MS4A6A: variants seen among roughly 807,000 people sequenced by gnomAD.
MS4A6A encodes the protein membrane spanning 4-domains A6A.
MS4A6A carries 19 observed loss-of-function variants against 20.6 expected under a neutral mutation model. The ratio of observed to expected loss-of-function variants is 0.92; its 90% confidence interval spans 0.64 to 1.36. The LOEUF (loss-of-function observed/expected upper bound fraction) is 1.36. Ranked by LOEUF, MS4A6A falls within the 40% of genes most tolerant of loss-of-function variation. MS4A6A has a pLI of 0.00. For synonymous variants in MS4A6A, 108 were observed against 105.0 expected (o/e 1.03, Z -0.17); for missense variants, 272 against 261.1 (o/e 1.04, Z -0.29).
chr11:60,179,439 G>C (rs1052173306), intron 3 of MS4A6A: 74 of 518,656 alleles, frequency 1.4e-4, no homozygotes, highest in Non-Finnish European at 2.3e-4. Context: ...AAGCATGGGG[G>C]GGATAACAGT....
rs535886021 is a variant in MS4A6A, at chr11:60,176,029, A to G, written c.340-418T>C. ...CGGAAGCATCAGCCACATGGAAAAG[A>G]TAGATCATGTATTAGCATGGTGCAA... On this transcript the variant is annotated intron_variant, in intron 4 of 5. Coordinates refer to ENST00000528851, the MANE Select transcript of MS4A6A (RefSeq NM_022349.4). Among the ~76,000 whole-genome samples, 7 of 152,374 alleles carry G rather than the reference A, an allele frequency of 4.6e-5. No homozygotes were observed. In the South Asian group the frequency reaches 1.4e-3, roughly 32 times the overall value.
chr11:60,176,724 G>A (rs1274513449), intron 4 of MS4A6A, among the ~76,000 whole-genome samples: 1 of 152,128 alleles, frequency 6.6e-6, no homozygotes, highest in East Asian at 1.9e-4. Flanking sequence ...GATGCCTAGA[G>A]TCTATATTTC....
At chr11:60,180,309 C>A (rs1440240252) in intron 2 of MS4A6A, 1 of 262,056 alleles carries the variant, frequency 3.8e-6, no homozygotes, top group Non-Finnish European at 7.2e-6. Flanking sequence ...GACTAGTTAA[C>A]TCTCTTTCTA....
rs115707241 is a variant in MS4A6A at position 60,181,413 on chromosome 11, C to T, written c.147+168G>A. On this transcript the variant is annotated intron_variant, in intron 2 of 5. Transcript: ENST00000528851. ...GGAAAATATATTTTTAAGACAACCT[C>T]TTGTGGAAAAGTTCTGGGACAGTTT... is the stretch of plus-strand genomic sequence containing the variant. The T allele has an allele frequency of 2.0e-3, 1,366 of 678,604 alleles. 18 individuals are homozygous for T. The African/African-American group carries it at 0.023, about 11-fold the overall frequency. The allele number at this position is 678,604 out of a possible 1,614,324, so 42.0% of individuals were successfully genotyped here. A position where few individuals can be genotyped will look rare whatever the true frequency, so the allele number is the denominator to read the frequency against.
At position 60,183,059 on chromosome 11, in the gene MS4A6A, T is replaced by C; in HGVS notation, c.-96A>G. On this transcript the variant is annotated 5_prime_UTR_variant, in exon 1 of 6. Coordinates refer to ENST00000528851, the MANE Select transcript of MS4A6A (RefSeq NM_022349.4). ...GTTTCTCAGTCCCATCAACGGTTTCTACTTACCTTCATCTTCTGAAAGTCA... is the reference window on the plus strand; with the variant it reads ...GTTTCTCAGTCCCATCAACGGTTTCCACTTACCTTCATCTTCTGAAAGTCA... 1 of 1,496,412 alleles carries C rather than the reference T, an allele frequency of 6.7e-7. No individual in the cohort carries two copies. Among genetic ancestry groups the C allele is most frequent in the Non-Finnish European group, 8.8e-7 (1 of 1,130,684 alleles). The allele number at this position is 1,496,412 out of a possible 1,614,324, so 92.7% of individuals were successfully genotyped here.
At chr11:60,174,205 T>C (rs1856722208) in intron 5 of MS4A6A, among the ~76,000 whole-genome samples, 1 of 152,206 alleles carries the variant, frequency 6.6e-6, no homozygotes, top group South Asian at 2.1e-4. Flanking sequence ...CTCTTTATAA[T>C]GAGTGCTATA....
At chr11:60,184,194 T>G (rs2083861931), upstream of MS4A6A, 1 of 152,266 alleles carries the variant, frequency 6.6e-6, no homozygotes. Context: ...TCTCAGCGTC[T>G]GAATGACACA....
chr11:60,178,129 T>C (rs1856940822), intron 4 of MS4A6A, 131 bp downstream of exon 4: 7 of 796,718 alleles, frequency 8.8e-6, no homozygotes, highest in Non-Finnish European at 1.5e-5. Context: ...GCCCAGCTCC[T>C]AATTCTAACA....
chr11:60,175,409 C>G lies in MS4A6A; in HGVS notation c.542G>C (p.Ser181Thr). The stretch of plus-strand genomic sequence containing the variant: ...CCATCTAAAAATACTTACAGCCAGA[C>G]TGGCTTTGGCTGTATAGCAGTCCGT... ...YTTDCYTAKA[S>T]LAGTLSLMLI... Residue 181 changes from serine (S) to threonine (T), a missense_variant, in exon 5 of 6, where the codon AGT (serine) becomes ACT (threonine). Ser to Thr is a moderately conservative substitution (Grantham distance 58). Coordinates refer to ENST00000528851, the MANE Select transcript of MS4A6A (RefSeq NM_022349.4). 6.2e-7 allele frequency: 1 copy of G among 1,610,644 alleles called. No homozygotes were observed. The highest frequency in any genetic ancestry group is 2.2e-5 in the East Asian group (1 of 44,866).
chr11:60,173,253 C>G, intron 5 of MS4A6A, 124 bp from the exon 6 acceptor site: 1 of 824,192 alleles, frequency 1.2e-6, no homozygotes, highest in Non-Finnish European at 2.0e-6. Flanking sequence ...AGGACACCAT[C>G]AGGAAGATAA....
In MS4A6A at chr11:60,172,517, T is replaced by A; in HGVS notation, c.*484A>T. On this transcript the variant is annotated 3_prime_UTR_variant, in exon 6 of 6. Coordinates refer to ENST00000528851, the MANE Select transcript of MS4A6A (RefSeq NM_022349.4). Reference sequence around the variant, plus strand: ...AGGGGTTTGATTCAACAATACATTTTTAATATAGCTTTAAAAAGGCAAACG... The same window carrying A: ...AGGGGTTTGATTCAACAATACATTTATAATATAGCTTTAAAAAGGCAAACG... 8.5e-6 allele frequency: 10 copies of A among 1,173,792 alleles called. No homozygotes were observed. The highest frequency in any genetic ancestry group is 1.1e-5 in the Non-Finnish European group (10 of 948,488). 72.7% of individuals were successfully genotyped at this position (1,173,792 alleles called of 1,614,324 possible).
intron 3 of MS4A6A, 197 bp downstream of exon 3, chr11:60,179,634 G>A: frequency 3.0e-6 from 2 of 656,856 alleles, no homozygotes; most frequent in Middle Eastern, 3.7e-4. Flanking sequence ...CAAAAGAAAT[G>A]TTTATTTGAG....
At chr11:60,178,909 A>C in intron 3 of MS4A6A, 1 of 392,572 alleles carries the variant, frequency 2.5e-6, no homozygotes, top group Non-Finnish European at 4.9e-6. Flanking sequence ...ACCCAAAACT[A>C]TCAAAGTTCT....
At chr11:60,178,827 C>A in intron 3 of MS4A6A, 1 of 416,720 alleles carries the variant, frequency 2.4e-6, no homozygotes, top group Non-Finnish European at 4.8e-6. Context: ...CATCACCATA[C>A]TCTAAACATC....
chr11:60,180,645 C>T (rs147576741), intron 2 of MS4A6A: 276 of 167,398 alleles, frequency 1.6e-3, no homozygotes, highest in Non-Finnish European at 2.8e-3. Context: ...CTCTCTCCTC[C>T]CACCCTCCAC....
intron 4 of MS4A6A, among the ~76,000 whole-genome samples, chr11:60,176,859 C>T (rs577598102): frequency 3.3e-5 from 5 of 152,246 alleles, no homozygotes; most frequent in East Asian, 1.9e-4. Flanking sequence ...GAGCCCACCC[C>T]GAGACCACAT....
chr11:60,175,291 C>G (rs1453998730), intron 5 of MS4A6A, 111 bp downstream of exon 5: 1 of 873,422 alleles, frequency 1.1e-6, no homozygotes, highest in Non-Finnish European at 1.7e-6. Context: ...TGGCTTTCCC[C>G]CAGATGCCCA....
At chr11:60,183,121 G>T, upstream of MS4A6A, 2 of 1,535,338 alleles carry the variant, frequency 1.3e-6, no homozygotes, top group Non-Finnish European at 1.7e-6. Flanking sequence ...CAGCTATACA[G>T]GATGTGATAC....
upstream of MS4A6A, chr11:60,183,224 T>C: frequency 2.6e-6 from 4 of 1,520,180 alleles, no homozygotes. Flanking sequence ...CCAACTAATA[T>C]TTGTGAGAGT....
Sources: allele counts gnomAD v4.1 joint callset (sites outside exome capture counted in the v4.1 genomes callset), GRCh38; gene constraint gnomAD v4.1.1; transcripts MANE v1.5; gene names NCBI Gene and HGNC (gene_info 2026-07-23, HGNC 2026-07-21).